Variants in TRIM4 observed in about 807,000 individuals in gnomAD.
The protein encoded by TRIM4 is tripartite motif containing 4.
TRIM4 carries 29 observed loss-of-function variants against 33.7 expected under a neutral mutation model. The ratio of observed to expected loss-of-function variants is 0.86; its 90% CI spans 0.64 to 1.17. The LOEUF is 1.17. TRIM4 is among the 50% of genes most tolerant of loss of function. The pLI is 0.00. For synonymous variants in TRIM4, 224 were observed against 233.0 expected (o/e 0.96, Z 0.35); for missense variants, 554 against 593.7 (o/e 0.93, Z 0.69).
chr7:99,911,036 TGGGA>T (rs1233571885), intron 1 of TRIM4, among the ~76,000 whole-genome samples: 1 of 152,158 alleles, frequency 6.6e-6, no homozygotes, highest in African/African-American at 2.4e-5. Flanking sequence ...AGTGTGTAAA[TGGGA>T]GGAAGGAAAA....
At chr7:99,895,623 A>C (rs189315665) in intron 5 of TRIM4, among the ~76,000 whole-genome samples, 182 of 152,368 alleles carry the variant, frequency 1.2e-3, no homozygotes, top group African/African-American at 4.2e-3. Context: ...TTATTCTAAA[A>C]ATTATTAAAA....
chr7:99,911,702 G>A (rs1220155336), intron 1 of TRIM4, among the ~76,000 whole-genome samples: 2 of 152,146 alleles, frequency 1.3e-5, no homozygotes, highest in African/African-American at 2.4e-5. Context: ...ATTAGCAGGC[G>A]AATGAAATGC....
intron 1 of TRIM4, among the ~76,000 whole-genome samples, chr7:99,918,351 G>A (rs911660791): frequency 1.3e-5 from 2 of 152,208 alleles, no homozygotes; most frequent in African/African-American, 4.8e-5. Context: ...CAGATCACTT[G>A]AGGTCAGCAG....
chr7:99,890,880 A>G lies in TRIM4; in HGVS notation c.*1283T>C, dbSNP rs949653895. On this transcript the variant is annotated 3_prime_UTR_variant, in exon 6 of 6. Transcript: ENST00000349062. ...TTCCCCTTAAACTAAAATATAAGTT[A>G]AAATAAAATCCTCGTTAAATCACTG... 1.3e-5 allele frequency: 2 copies of G among 152,278 alleles called. No homozygotes were observed. Among genetic ancestry groups the G allele is most frequent in the Non-Finnish European group, 2.9e-5 (2 of 68,046 alleles). The allele number at this position is 152,278 out of a possible 1,614,324, so 9.4% of individuals were successfully genotyped here. A position where few individuals can be genotyped will look rare whatever the true frequency, so the allele number is the denominator to read the frequency against.
chr7:99,908,560 C>T (rs748779696), intron 3 of TRIM4, 22 bp downstream of exon 3: 2 of 1,564,378 alleles, frequency 1.3e-6, no homozygotes, highest in African/African-American at 2.7e-5. Context: ...GATGAGATCA[C>T]CCCCACTCGT....
intron 2 of TRIM4, among the ~76,000 whole-genome samples, chr7:99,909,284 T>C (rs1354953053): frequency 1.3e-5 from 2 of 152,012 alleles, no homozygotes; most frequent in East Asian, 1.9e-4. Context: ...AGTAGAGACA[T>C]GGGGATGAAG....
intron 5 of TRIM4, among the ~76,000 whole-genome samples, chr7:99,897,234 T>C (rs539603499): frequency 1.3e-5 from 2 of 152,162 alleles, no homozygotes; most frequent in East Asian, 3.9e-4. Flanking sequence ...ACTACCAAGA[T>C]AAAAGAAGAC....
At chr7:99,906,154 A>C (rs1819299161) in intron 3 of TRIM4, among the ~76,000 whole-genome samples, 1 of 152,160 alleles carries the variant, frequency 6.6e-6, no homozygotes, top group Admixed American at 6.5e-5. Context: ...CAAAAAAAAA[A>C]AGTAAAAAAA....
rs567446367 is a variant in TRIM4 at position 99,908,276 on chromosome 7, T to C, written c.720+306A>G. On this transcript the variant is annotated intron_variant, in intron 3 of 5. Coordinates refer to ENST00000349062, the MANE Select transcript of TRIM4 (RefSeq NM_033091.3). Reference sequence around the variant, plus strand: ...ATGCTTGCTTTGTTTTATTGTTTAATAATTATAAATGTACACATAAGATGA... The same window carrying C: ...ATGCTTGCTTTGTTTTATTGTTTAACAATTATAAATGTACACATAAGATGA... 4 of 249,498 alleles carry C rather than the reference T, an allele frequency of 1.6e-5. No individual in the cohort carries two copies. In the South Asian group the frequency reaches 6.1e-4, roughly 38 times the overall value. 15.5% of individuals were successfully genotyped at this position (249,498 alleles called of 1,614,324 possible). A position where few individuals can be genotyped will look rare whatever the true frequency, so the allele number is the denominator to read the frequency against.
At chr7:99,898,312 GA>G (rs1450492194) in intron 5 of TRIM4, among the ~76,000 whole-genome samples, 4 of 152,224 alleles carry the variant, frequency 2.6e-5, no homozygotes, top group Non-Finnish European at 5.9e-5. Flanking sequence ...CTTATGTACT[GA>G]AAGGCATGAT....
chr7:99,915,000 G>A (rs556175732), intron 1 of TRIM4, among the ~76,000 whole-genome samples: 2 of 152,096 alleles, frequency 1.3e-5, no homozygotes, highest in East Asian at 3.9e-4. Context: ...AGTAAAGACA[G>A]GGTTTCACCA....
chr7:99,914,792 CTTTTTCTT>C lies in TRIM4; in HGVS notation c.393+4209_393+4216del, dbSNP rs558234936. Among the ~76,000 whole-genome samples, 66 of 152,140 alleles carry C rather than the reference CTTTTTCTT, an allele frequency of 4.3e-4. No individual in the cohort carries two copies. In the South Asian group the frequency reaches 6.2e-3, roughly 14 times the overall value. On this transcript the variant is annotated intron_variant, in intron 1 of 5. Coordinates refer to ENST00000349062, the MANE Select transcript of TRIM4 (RefSeq NM_033091.3). ...GACTGCTCCCTTCTCTGGCATAGCA[CTTTTTCTT>C]TTTTTCTTTTTTTCTTTTTTTTTTC... is the stretch of plus-strand genomic sequence containing the variant.
intron 5 of TRIM4, among the ~76,000 whole-genome samples, chr7:99,898,826 A>T (rs745851317): frequency 1.2e-4 from 19 of 152,238 alleles, no homozygotes; most frequent in Non-Finnish European, 2.6e-4. Flanking sequence ...TTACTCTCAC[A>T]TTATAACCGG....
chr7:99,911,758 T>C (rs1403580602), intron 1 of TRIM4, among the ~76,000 whole-genome samples: 1 of 152,208 alleles, frequency 6.6e-6, no homozygotes, highest in Non-Finnish European at 1.5e-5. Context: ...AAACATACAT[T>C]AATCCTAGGG....
In TRIM4 at chr7:99,892,257, G is replaced by A; in HGVS notation, c.1331C>T (p.Thr444Ile). 6.2e-7 allele frequency: 1 copy of A among 1,614,158 alleles called. No homozygotes were observed. The highest frequency in any genetic ancestry group is 8.5e-7 in the Non-Finnish European group (1 of 1,180,036). ...GCGTGAGACAGAAGAACAAGAAAAGGTGTGCAGGTGCACTCCGTCCACAGC... is the reference window on the plus strand; with the variant it reads ...GCGTGAGACAGAAGAACAAGAAAAGATGTGCAGGTGCACTCCGTCCACAGC... ...YSAVDGVHLH[T>I]FSCSSVSRLR... Residue 444 changes from threonine (T) to isoleucine (I), a missense_variant, in exon 6 of 6, where the codon ACC becomes ATC. Thr to Ile is a moderately conservative substitution (Grantham distance 89, BLOSUM62 -1). Around this residue, in one of 3 missense-constraint regions of TRIM4, gnomAD observed 290 missense variants for 335.8 expected, o/e 0.86. Transcript: ENST00000349062.
intron 5 of TRIM4, among the ~76,000 whole-genome samples, chr7:99,892,975 G>A (rs902697391): frequency 3.9e-5 from 6 of 152,182 alleles, no homozygotes; most frequent in South Asian, 2.1e-4. Context: ...TAGACCAGGC[G>A]CAGTGACTCA....
In TRIM4 at chr7:99,892,660, T is replaced by A. The variant is rs767182091; in HGVS notation, c.928A>T (p.Ser310Cys). The part of the protein sequence containing the change: ...GRYVKNTASA[S>C]SWPVFSSAWN... ...GCTGAAGAAAACACTGGCCAAGAACTGGCTGATGCTGTATTTTTCACGTAT... is the reference window on the plus strand; with the variant it reads ...GCTGAAGAAAACACTGGCCAAGAACAGGCTGATGCTGTATTTTTCACGTAT... The change falls in exon 6 of 6, where the codon AGT (serine) becomes TGT (cysteine). Residue 310 changes from serine to cysteine, a missense_variant. Ser to Cys is a moderately radical substitution (Grantham distance 112). Transcript: ENST00000349062. 1.1e-5 allele frequency: 17 copies of A among 1,614,086 alleles called. No individual in the cohort carries two copies. In the Admixed American group the frequency reaches 2.8e-4, roughly 27 times the overall value.
intron 5 of TRIM4, among the ~76,000 whole-genome samples, chr7:99,894,581 C>T (rs1203626318): frequency 6.6e-6 from 1 of 151,750 alleles, no homozygotes; most frequent in Non-Finnish European, 1.5e-5. Flanking sequence ...GCAGGAGAAT[C>T]ACTTGAACCT....
chr7:99,919,025 G>T lies in TRIM4; in HGVS notation c.377C>A (p.Ala126Asp), dbSNP rs779735420. The part of the protein sequence containing the change: ...QTHAMAPIDE[A>D]FESYREKLLK... ...CCAGCTCACCCGGTAGCTCTCGAAG[G>T]CCTCGTCGATGGGTGCCATGGCGTG... The change falls in exon 1 of 6, where the codon GCC (alanine) becomes GAC (aspartate). Residue 126 changes from alanine (A) to aspartate (D), a missense_variant. Coordinates refer to ENST00000349062, the MANE Select transcript of TRIM4 (RefSeq NM_033091.3). The T allele has an allele frequency of 6.3e-7, 1 of 1,590,466 alleles. No homozygotes were observed. Among genetic ancestry groups the T allele is most frequent in the South Asian group, 1.1e-5 (1 of 87,870 alleles).
Sources: gnomAD v4.1 joint callset for allele counts (sites outside exome capture counted in the v4.1 genomes callset) on GRCh38, gnomAD v4.1.1 for gene constraint, gnomAD v4.1.1 regional missense constraint, MANE v1.5 for transcripts, NCBI Gene and HGNC (gene_info 2026-07-23, HGNC 2026-07-21) for gene names.